Variants in C5orf63 observed in about 807,000 individuals in gnomAD.
The protein encoded by C5orf63 is chromosome 5 open reading frame 63.
Under a neutral mutation model 13.3 loss-of-function variants are expected in C5orf63, and 18 were observed. The ratio of observed to expected loss-of-function variants is 1.36; its 90% CI spans 0.94 to 2.01. The LOEUF is 2.01. Among genes scored for constraint, C5orf63 ranks in the 30% most tolerant of loss-of-function variants. The probability of loss-of-function intolerance (pLI) is 0.00; values close to 1 mark genes in which losing one functional copy is unlikely to be tolerated. For missense variants in C5orf63, 118 were observed against 127.7 expected (o/e 0.92, Z 0.36); for synonymous variants, 38 against 44.7 (o/e 0.85, Z 0.60).
intron 2 of C5orf63, among the ~76,000 whole-genome samples, chr5:127,066,264 A>C (rs1330185692): frequency 6.6e-6 from 1 of 152,152 alleles, no homozygotes; most frequent in East Asian, 1.9e-4. Context: ...TTGAGATTTT[A>C]TTCTAAGTAC....
At chr5:127,063,173 G>C (rs1754173857) in intron 2 of C5orf63, among the ~76,000 whole-genome samples, 1 of 152,180 alleles carries the variant, frequency 6.6e-6, no homozygotes, top group African/African-American at 2.4e-5. Flanking sequence ...CAATAAAACT[G>C]AGGCTGATTT....
At chr5:127,064,134 G>A (rs563557791) in intron 2 of C5orf63, among the ~76,000 whole-genome samples, 1 of 152,072 alleles carries the variant, frequency 6.6e-6, no homozygotes, top group Non-Finnish European at 1.5e-5. Context: ...TGGGTTCAAG[G>A]GCAAGAGAGA....
intron 3 of C5orf63, among the ~76,000 whole-genome samples, chr5:127,058,374 C>T (rs1409163347): frequency 6.6e-6 from 1 of 152,180 alleles, no homozygotes; most frequent in Non-Finnish European, 1.5e-5. Flanking sequence ...ATTATTTCAT[C>T]TATTTTATGG....
At chr5:127,049,260 C>T (rs924542184), downstream of C5orf63, among the ~76,000 whole-genome samples, 6 of 152,158 alleles carry the variant, frequency 3.9e-5, no homozygotes, top group African/African-American at 7.2e-5. Flanking sequence ...CAATATGGAT[C>T]CCAATCTACC....
Position 127,051,957 on chromosome 5 carries a change from A to T in C5orf63, c.172-10T>A, listed in dbSNP as rs1484515267. 3 of 1,489,802 alleles carry T rather than the reference A, an allele frequency of 2.0e-6. No individual in the cohort carries two copies. The highest frequency in any genetic ancestry group is 4.5e-5 in the Admixed American group (2 of 44,930). 92.3% of individuals were successfully genotyped at this position (1,489,802 alleles called of 1,614,324 possible). On this transcript the variant is annotated splice_polypyrimidine_tract_variant and intron_variant, in intron 4 of 4. Transcript: ENST00000296662. ...CCTCCTGTAAAATGAACTGAAACAG[A>T]GACAGACTAAAGCTCTGTATTTTAG... is the stretch of plus-strand genomic sequence containing the variant.
chr5:127,042,793 A>C (rs561994875), downstream of C5orf63: 1 of 152,192 alleles, frequency 6.6e-6, no homozygotes, highest in African/African-American at 2.4e-5. Flanking sequence ...CAAACCCTTA[A>C]CTGCCCCCTT....
chr5:127,067,303 A>G (rs76193819), intron 2 of C5orf63, among the ~76,000 whole-genome samples: 3,117 of 152,332 alleles, frequency 0.02, 76 homozygotes, highest in South Asian at 0.12. Context: ...AGAGATCACT[A>G]TTAATAATAA....
intron 2 of C5orf63, among the ~76,000 whole-genome samples, chr5:127,066,018 G>A (rs1754316988): frequency 6.6e-6 from 1 of 152,164 alleles, no homozygotes; most frequent in South Asian, 2.1e-4. Context: ...ATGTGATGCT[G>A]ACTGAGGCAG....
Position 127,062,721 on chromosome 5 carries a change from C to A in C5orf63, c.-7-3719G>T, listed in dbSNP as rs80142197. On this transcript the variant is annotated intron_variant, in intron 2 of 4. Transcript: ENST00000296662. The stretch of plus-strand genomic sequence containing the variant: ...TCTTGAAGTAAAATTTTAATATGGG[C>A]TACTCTGTCAATGTGACATTTTCAT... 5.9e-5 allele frequency among the ~76,000 whole-genome samples: 9 copies of A among 152,244 alleles called. No homozygotes were observed. In the East Asian group the frequency reaches 1.7e-3, roughly 29 times the overall value.
chr5:127,070,296 CAA>C (rs1754488340), intron 2 of C5orf63, among the ~76,000 whole-genome samples: 1 of 152,064 alleles, frequency 6.6e-6, no homozygotes, highest in Non-Finnish European at 1.5e-5. Context: ...TTTTAAGAAA[CAA>C]AGAGTTTTAA....
At chr5:127,053,095 C>T (rs1016965624) in intron 3 of C5orf63, among the ~76,000 whole-genome samples, 16 of 152,230 alleles carry the variant, frequency 1.1e-4, no homozygotes, top group Admixed American at 5.9e-4. Flanking sequence ...CCTTGCCAGC[C>T]TGTTTTTCCT....
chr5:127,047,483 G>A (rs1670094896), downstream of C5orf63: 8 of 517,692 alleles, frequency 1.5e-5, no homozygotes, highest in Non-Finnish European at 2.4e-5. Flanking sequence ...GTTTGCTGAA[G>A]ATCTGCAGGA....
chr5:127,046,068 C>T (rs1180767452), exon 5 of C5orf63: 1 of 152,238 alleles, frequency 6.6e-6, no homozygotes, highest in East Asian at 1.9e-4. Flanking sequence ...GGCCACATTT[C>T]CAACCATACT....
intron 3 of C5orf63, among the ~76,000 whole-genome samples, chr5:127,057,450 T>A (rs1389065555): frequency 6.6e-6 from 1 of 152,232 alleles, no homozygotes; most frequent in Non-Finnish European, 1.5e-5. Flanking sequence ...AAATCAGTAA[T>A]GTCTGTATTA....
chr5:127,050,478 G>C (rs553995927), downstream of C5orf63, among the ~76,000 whole-genome samples: 6 of 151,922 alleles, frequency 3.9e-5, no homozygotes, highest in Non-Finnish European at 8.8e-5. Flanking sequence ...AGCTTAAAAG[G>C]CTTTTTAAGT....
intron 3 of C5orf63, among the ~76,000 whole-genome samples, chr5:127,055,497 A>G (rs1753847301): frequency 6.6e-6 from 1 of 152,182 alleles, no homozygotes; most frequent in South Asian, 2.1e-4. Flanking sequence ...GGAAGAGATA[A>G]GCTATTATGT....
At chr5:127,046,844 A>G (rs1753531061), downstream of C5orf63, 1 of 152,342 alleles carries the variant, frequency 6.6e-6, no homozygotes, top group Non-Finnish European at 1.5e-5. Context: ...GGCTGCAGCT[A>G]TGAGGAAGCA....
chr5:127,044,194 A>T (rs1753468961), downstream of C5orf63: 1 of 152,242 alleles, frequency 6.6e-6, no homozygotes, highest in African/African-American at 2.4e-5. Context: ...GTTTTCCATC[A>T]GGAATTCCGT....
At position 127,051,797 on chromosome 5, in the gene C5orf63, G is replaced by C; in HGVS notation, c.322C>G (p.Leu108Val). 1 of 1,528,194 alleles carries C rather than the reference G, an allele frequency of 6.5e-7. No homozygotes were observed. Among genetic ancestry groups the C allele is most frequent in the Non-Finnish European group, 8.7e-7 (1 of 1,143,346 alleles). 94.7% of individuals were successfully genotyped at this position (1,528,194 alleles called of 1,614,324 possible). The change falls in exon 5 of 5, where the codon CTT becomes GTT. Residue 108 changes from leucine (L) to valine (V), a missense_variant. Leu to Val is a conservative substitution (Grantham distance 32). Coordinates refer to ENST00000296662, the MANE Select transcript of C5orf63 (RefSeq NM_001164478.2). ...TSKLEKQLLKLEQQSTGG is the reference protein window; with the variant it reads ...TSKLEKQLLKVEQQSTGG Reference sequence around the variant, plus strand: ...CAGCCTCCAGTACTTTGCTGCTCAAGTTTCAGGAGCTGTTTTTCAAGTTTT... The same window carrying C: ...CAGCCTCCAGTACTTTGCTGCTCAACTTTCAGGAGCTGTTTTTCAAGTTTT...
Sources: gnomAD v4.1 joint callset for allele counts (sites outside exome capture counted in the v4.1 genomes callset) on GRCh38, gnomAD v4.1.1 for gene constraint, MANE v1.5 for transcripts, NCBI Gene and HGNC (gene_info 2026-07-23, HGNC 2026-07-21) for gene names.